Variants in CNTNAP1 observed in about 807,000 individuals in gnomAD.
The protein encoded by CNTNAP1 is contactin-associated protein 1.
In CNTNAP1, 80 loss-of-function variants were observed where a neutral mutation model predicts 161.5. That is an observed-to-expected ratio of 0.50 (90% CI 0.41 to 0.60). The LOEUF (loss-of-function observed/expected upper bound fraction) is 0.60, where lower values mean the gene tolerates loss of function less well. CNTNAP1 is among the 20% of genes least tolerant of loss of function. The pLI, the probability that CNTNAP1 is intolerant of heterozygous loss-of-function variation, is 0.00. For synonymous variants in CNTNAP1, 695 were observed against 733.1 expected, an observed-to-expected ratio of 0.95 and a Z score of 0.84; for missense variants, 1,464 against 1,854.8, an observed-to-expected ratio of 0.79 and a Z score of 3.87.
intron 18 of CNTNAP1, 33 bp from the exon 19 acceptor site, chr17:42,695,488 T>TG: frequency 6.5e-7 from 1 of 1,533,252 alleles, no homozygotes; most frequent in African/African-American, 1.4e-5. Context: ...GTGAGCAGTG[T>TG]GGGGGCCCTA....
chr17:42,689,834 G>C (rs2053062513), intron 11 of CNTNAP1: 2 of 580,952 alleles, frequency 3.4e-6, no homozygotes, highest in East Asian at 6.2e-5. Context: ...TCTGCCTCCT[G>C]GGTTCAAGCG....
chr17:42,688,739 A>C, intron 9 of CNTNAP1, 128 bp downstream of exon 9: 1 of 1,509,930 alleles, frequency 6.6e-7, no homozygotes, highest in Admixed American at 1.8e-5. Context: ...GGCCTCAGGG[A>C]GTGGAAGGTC....
Position 42,687,698 on chromosome 17 carries a change from G to A in CNTNAP1, c.1045-22G>A. ...GCAGAGGCGGCTCACGGGTGTTGAT[G>A]CGTCTTCACTTTTGCCCCTAGGGTA... On this transcript the variant is annotated intron_variant, in intron 7 of 23. Transcript: ENST00000264638. This position sits in a 1 kb window ranked among gnomAD's most constrained non-coding sequence, Gnocchi z 4.7. 1 of 1,610,710 alleles carries A rather than the reference G, an allele frequency of 6.2e-7. No homozygotes were observed. Among genetic ancestry groups the A allele is most frequent in the Non-Finnish European group, 8.5e-7 (1 of 1,177,478 alleles).
Position 42,684,132 on chromosome 17 carries a change from G to A in CNTNAP1, c.266G>A (p.Gly89Asp), listed in dbSNP as rs776920122. 8 of 1,614,114 alleles carry A rather than the reference G, an allele frequency of 5.0e-6. No homozygotes were observed. The part of the protein sequence containing the change: ...KHRIRAVATQ[G>D]SFNSWDWVTR... ...CGGATCCGGGCCGTGGCCACACAGG[G>A]CTCCTTTAATTCTTGGGACTGGGTC... The change falls in exon 3 of 24, where the codon GGC (glycine) becomes GAC (aspartate). Residue 89 changes from glycine to aspartate, a missense_variant. By Grantham distance (94) the Gly-to-Asp change is moderately conservative. Around this residue, in one of 3 missense-constraint regions of CNTNAP1, gnomAD observed 1,383 missense variants for 1,765.0 expected, o/e 0.78. Transcript: ENST00000264638.
chr17:42,694,900 A>G (rs2053134096), intron 18 of CNTNAP1, among the ~76,000 whole-genome samples: 1 of 151,900 alleles, frequency 6.6e-6, no homozygotes, highest in Non-Finnish European at 1.5e-5. Context: ...GAGATACAAG[A>G]CTTAGGGACC....
rs146987016 is a variant in CNTNAP1, at chr17:42,697,823, C to T, written c.3814+24C>T. ...AGGTACATTCCCAGGACACAGAGGA[C>T]AGAAGGGAGGGATGACACGGAAGGG... On this transcript the variant is annotated intron_variant, in intron 22 of 23. Transcript: ENST00000264638. 1.6e-4 allele frequency: 256 copies of T among 1,613,970 alleles called. No homozygotes were observed. The East Asian group carries it at 3.7e-3, about 23-fold the overall frequency.
At position 42,699,034 on chromosome 17, in the gene CNTNAP1, AT is replaced by A; in HGVS notation, c.*125del. ...CTGCTCATCCAGAGGATATTCCCCCATCCCCCCCCCATCAAGTTTGGTGGGC... is the reference window on the plus strand; with the variant it reads ...CTGCTCATCCAGAGGATATTCCCCCACCCCCCCCCATCAAGTTTGGTGGGC... On this transcript the variant is annotated 3_prime_UTR_variant, in exon 24 of 24. Transcript: ENST00000264638. The A allele has an allele frequency of 1.5e-6, 1 of 689,004 alleles. No homozygotes were observed. The highest frequency in any genetic ancestry group is 2.7e-5 in the South Asian group (1 of 36,954). The allele number at this position is 689,004 out of a possible 1,614,324, so 42.7% of individuals were successfully genotyped here.
rs771093781 is a variant in CNTNAP1 at position 42,686,976 on chromosome 17, A to C, written c.974A>C (p.Glu325Ala). 4 of 1,613,912 alleles carry C rather than the reference A, an allele frequency of 2.5e-6. No homozygotes were observed. The African/African-American group carries it at 4.0e-5, about 16-fold the overall frequency. Residue 325 changes from glutamate to alanine, a missense_variant, in exon 7 of 24, where the codon GAA becomes GCA. This residue lies in a region of CNTNAP1 where 1,383 missense variants were observed against 1,765.0 expected (regional missense o/e 0.78). Coordinates refer to ENST00000264638, the MANE Select transcript of CNTNAP1 (RefSeq NM_003632.3). The stretch of plus-strand genomic sequence containing the variant: ...CGGCATAACTTCCGCGGCTGCATAG[A>C]AAACGTAATCTTCAACCGCGTCAAC... ...AYRHNFRGCI[E>A]NVIFNRVNIA...
chr17:42,691,083 C>T lies in CNTNAP1; in HGVS notation c.2060-54C>T. On this transcript the variant is annotated intron_variant, in intron 13 of 23. Coordinates refer to ENST00000264638, the MANE Select transcript of CNTNAP1 (RefSeq NM_003632.3). The surrounding 1 kb of genome is among the most constrained non-coding windows in gnomAD (Gnocchi z 4.3). ...GAACTCGCTGGAAGGGCGAGAGGAG[C>T]CCAGAGGCTAATGGAGGGACAGGGC... is the stretch of plus-strand genomic sequence containing the variant. 3 of 1,603,638 alleles carry T rather than the reference C, an allele frequency of 1.9e-6. No homozygotes were observed. The highest frequency in any genetic ancestry group is 1.7e-6 in the Non-Finnish European group (2 of 1,174,924).
rs202003779 is a variant in CNTNAP1, at chr17:42,688,432, C to A, written c.1307-30C>A. On this transcript the variant is annotated intron_variant, in intron 8 of 23. Coordinates refer to ENST00000264638, the MANE Select transcript of CNTNAP1 (RefSeq NM_003632.3). ...CTTCTACCCTAGTTGCTGCTTCCCT[C>A]CACCCACACCATCATCCATTCTTGT... 2,447 of 1,614,018 alleles carry A rather than the reference C, an allele frequency of 1.5e-3. 2 individuals are homozygous for A. The highest frequency in any genetic ancestry group is 2.6e-3 in the South Asian group (233 of 91,078).
Position 42,698,604 on chromosome 17 carries a change from TTTC to T in CNTNAP1, c.3863-8_3863-6del, listed in dbSNP as rs773899373. 1.6e-5 allele frequency: 26 copies of T among 1,581,492 alleles called. No individual in the cohort carries two copies. Among genetic ancestry groups the T allele is most frequent in the Non-Finnish European group, 2.2e-5 (25 of 1,159,542 alleles). On this transcript the variant is annotated splice_polypyrimidine_tract_variant and intron_variant, in intron 23 of 23. Coordinates refer to ENST00000264638, the MANE Select transcript of CNTNAP1 (RefSeq NM_003632.3). ...GATCCCAAAGATCTGAATTGTCCCT[TTTC>T]TTCTTTTCAGTTTTGGTGGCCTTTC... is the stretch of plus-strand genomic sequence containing the variant.
In CNTNAP1 at chr17:42,699,235, A is replaced by C; in HGVS notation, c.*325A>C. 2 of 256,348 alleles carry C rather than the reference A, an allele frequency of 7.8e-6. No individual in the cohort carries two copies. The highest frequency in any genetic ancestry group is 7.4e-6 in the Non-Finnish European group (1 of 135,082). The allele number at this position is 256,348 out of a possible 1,614,324, so 15.9% of individuals were successfully genotyped here. Reference sequence around the variant, plus strand: ...TTCCAGCTGCTGTCAGGGATTAACAACAGAGTGTAGGGGAGATTAACTGCC... The same window carrying C: ...TTCCAGCTGCTGTCAGGGATTAACACCAGAGTGTAGGGGAGATTAACTGCC... On this transcript the variant is annotated 3_prime_UTR_variant, in exon 24 of 24. Coordinates refer to ENST00000264638, the MANE Select transcript of CNTNAP1 (RefSeq NM_003632.3).
At chr17:42,698,565 G>A (rs2053182986) in intron 23 of CNTNAP1, 53 bp from the exon 24 acceptor site, 3 of 1,341,828 alleles carry the variant, frequency 2.2e-6, no homozygotes, top group Non-Finnish European at 3.1e-6. Flanking sequence ...GTGTGTGTGT[G>A]TGTATACAGG....
rs4419104 is a variant in CNTNAP1, at chr17:42,697,572, C to T, written c.3587C>T (p.Pro1196Leu). The change falls in exon 22 of 24, where the codon CCG (proline) becomes CTG (leucine). Residue 1196 changes from proline (P) to leucine (L), a missense_variant. Physicochemically the swap from Pro to Leu is moderately conservative, Grantham distance 98. Around this residue, in one of 3 missense-constraint regions of CNTNAP1, gnomAD observed 1,383 missense variants for 1,765.0 expected, o/e 0.78. Transcript: ENST00000264638. ...GRVMETGVID[P>L]EIQRYNTPGF... ...CTCTCAGAGACAGGAGTCATTGACC[C>T]GGAGATCCAGCGCTACAACACCCCA... is the stretch of plus-strand genomic sequence containing the variant. 3.2e-5 allele frequency: 52 copies of T among 1,613,914 alleles called. No individual in the cohort carries two copies. Among genetic ancestry groups the T allele is most frequent in the African/African-American group, 9.4e-5 (7 of 74,842 alleles).
In CNTNAP1 at chr17:42,699,776, A is replaced by T. The variant is rs2053204009; in HGVS notation, c.*866A>T. On this transcript the variant is annotated 3_prime_UTR_variant, in exon 24 of 24. Coordinates refer to ENST00000264638, the MANE Select transcript of CNTNAP1 (RefSeq NM_003632.3). ...AACTCTATATATTATTCGAATTTTTAAATTATTTGTTTATATATAAAAGAA... is the reference window on the plus strand; with the variant it reads ...AACTCTATATATTATTCGAATTTTTTAATTATTTGTTTATATATAAAAGAA... The T allele has an allele frequency of 6.6e-6, 1 of 152,590 alleles. No individual in the cohort carries two copies. Among genetic ancestry groups the T allele is most frequent in the African/African-American group, 2.4e-5 (1 of 41,418 alleles). The allele number at this position is 152,590 out of a possible 1,614,324, so 9.5% of individuals were successfully genotyped here. A position where few individuals can be genotyped will look rare whatever the true frequency, so the allele number is the denominator to read the frequency against.
chr17:42,684,207 T>C lies in CNTNAP1; in HGVS notation c.341T>C (p.Phe114Ser). 1.9e-6 allele frequency: 3 copies of C among 1,613,724 alleles called. No homozygotes were observed. The highest frequency in any genetic ancestry group is 2.5e-6 in the Non-Finnish European group (3 of 1,179,848). ...GACCGAGTGGACAGCTGGACACCGT[T>C]CTACCAGCGAGGGCACAACTCGGTA... ...YGDRVDSWTPFYQRGHNSTFF... is the reference protein window; with the variant it reads ...YGDRVDSWTPSYQRGHNSTFF... Residue 114 changes from phenylalanine (F) to serine (S), a missense_variant, in exon 3 of 24, where the codon TTC (phenylalanine) becomes TCC (serine). Physicochemically the swap from Phe to Ser is radical, Grantham distance 155. This residue lies in a region of CNTNAP1 where 1,383 missense variants were observed against 1,765.0 expected (regional missense o/e 0.78). Transcript: ENST00000264638.
At chr17:42,694,844 T>C (rs150089763) in intron 18 of CNTNAP1, among the ~76,000 whole-genome samples, 110 of 152,170 alleles carry the variant, frequency 7.2e-4, no homozygotes, top group African/African-American at 2.7e-3. Flanking sequence ...ATAGGGAGGA[T>C]ATATGAGCAG....
At chr17:42,690,621 T>C (rs928869872) in intron 12 of CNTNAP1, 118 bp from the exon 13 acceptor site, 3 of 954,916 alleles carry the variant, frequency 3.1e-6, no homozygotes, top group Non-Finnish European at 4.9e-6. Flanking sequence ...AGAGGTGGAA[T>C]GGAGCTGCTG....
intron 6 of CNTNAP1, among the ~76,000 whole-genome samples, chr17:42,686,488 T>TTTTG (rs2053016160): frequency 6.9e-6 from 1 of 144,754 alleles, no homozygotes; most frequent in African/African-American, 2.7e-5. Context: ...TTTTTTTTTT[T>TTTTG]TTTTTGTGGG....
Sources: gnomAD v4.1 joint callset for allele counts (sites outside exome capture counted in the v4.1 genomes callset) on GRCh38, gnomAD v4.1.1 for gene constraint, gnomAD v4.1.1 regional missense constraint, Gnocchi (gnomAD v3.1) non-coding constraint, MANE v1.5 for transcripts, NCBI Gene and HGNC (gene_info 2026-07-23, HGNC 2026-07-21) for gene names.